Variants in IFNAR1 observed in about 807,000 individuals in gnomAD.
IFNAR1 encodes interferon alpha and beta receptor subunit 1, also known as interferon alpha/beta receptor 1.
In IFNAR1, 47 loss-of-function variants were observed where a neutral mutation model predicts 62.1. The ratio of observed to expected loss-of-function variants is 0.76; its 90% confidence interval spans 0.60 to 0.97. The LOEUF (loss-of-function observed/expected upper bound fraction) is 0.97. Ranked by LOEUF, IFNAR1 falls within the 50% of genes least tolerant of loss-of-function variation. IFNAR1 has a pLI of 0.00. For synonymous variants in IFNAR1, 219 were observed against 226.9 expected, an observed-to-expected ratio of 0.97 and a Z score of 0.31; for missense variants, 638 against 654.5, an observed-to-expected ratio of 0.97 and a Z score of 0.27.
intron 6 of IFNAR1, among the ~76,000 whole-genome samples, chr21:33,345,848 A>G (rs1183996233): frequency 6.6e-6 from 1 of 152,188 alleles, no homozygotes; most frequent in East Asian, 1.9e-4. Context: ...GGTGGGAAAG[A>G]AAGTTGGAAA....
rs2123649602 is a variant in IFNAR1 at position 33,326,786 on chromosome 21, T to C, written c.76+1655T>C. On this transcript the variant is annotated intron_variant, in intron 1 of 10. Transcript: ENST00000270139. ...AAGAAAGTTGGGAGAGGTCCTGAGA[T>C]TTTTTTTTTTCTTTTACAAAAATAA... 2.2e-5 allele frequency among the ~76,000 whole-genome samples: 3 copies of C among 133,990 alleles called. No homozygotes were observed. In the Middle Eastern group the frequency reaches 0.011, roughly 493 times the overall value. 87.9% of individuals were successfully genotyped at this position (133,990 alleles called of 152,430 possible). A position where few individuals can be genotyped will look rare whatever the true frequency, so the allele number is the denominator to read the frequency against.
chr21:33,349,579 A>C, intron 8 of IFNAR1, 36 bp downstream of exon 8: 1 of 1,418,002 alleles, frequency 7.1e-7, no homozygotes, highest in South Asian at 1.3e-5. Context: ...TGTAACTTAG[A>C]GTTATAATTA....
At chr21:33,334,702 C>G (rs2083216283) in intron 1 of IFNAR1, 12 of 854,104 alleles carry the variant, frequency 1.4e-5, no homozygotes, top group Non-Finnish European at 2.0e-5. Flanking sequence ...TCAGCTGCCA[C>G]CTTCCCTGAC....
chr21:33,351,718 T>G (rs950484225), intron 8 of IFNAR1, among the ~76,000 whole-genome samples: 1 of 151,812 alleles, frequency 6.6e-6, no homozygotes, highest in African/African-American at 2.4e-5. Context: ...CTAGCTAATT[T>G]TTTGTATTTT....
intron 8 of IFNAR1, among the ~76,000 whole-genome samples, 176 bp from the exon 9 acceptor site, chr21:33,352,582 G>T (rs541701425): frequency 6.6e-6 from 1 of 152,052 alleles, no homozygotes; most frequent in South Asian, 2.1e-4. Context: ...TAGCCTGGGT[G>T]ACAGAGCGAG....
intron 8 of IFNAR1, among the ~76,000 whole-genome samples, chr21:33,350,026 A>C (rs889792862): frequency 1.3e-5 from 2 of 151,796 alleles, no homozygotes; most frequent in Admixed American, 6.6e-5. Flanking sequence ...TCTGGGCCCC[A>C]GTTTGCTTTT....
intron 1 of IFNAR1, chr21:33,335,080 G>T: frequency 1.1e-6 from 1 of 899,798 alleles, no homozygotes; most frequent in Non-Finnish European, 1.9e-6. Flanking sequence ...GCACTTGATT[G>T]CCCCTAGGAC....
chr21:33,349,775 A>T (rs538327470), intron 8 of IFNAR1, among the ~76,000 whole-genome samples: 1 of 152,098 alleles, frequency 6.6e-6, no homozygotes, highest in African/African-American at 2.4e-5. Context: ...AATTTTAAAA[A>T]ATTAGCCTGG....
chr21:33,349,344 A>G (rs1161867938), intron 7 of IFNAR1, 45 bp from the exon 8 acceptor site: 22 of 1,571,082 alleles, frequency 1.4e-5, no homozygotes, highest in Non-Finnish European at 1.7e-5. Context: ...AGTTTTTAAA[A>G]TTGTTTTTCT....
chr21:33,325,505 T>G (rs992081945), intron 1 of IFNAR1, among the ~76,000 whole-genome samples: 1 of 152,178 alleles, frequency 6.6e-6, no homozygotes, highest in Non-Finnish European at 1.5e-5. Context: ...ATCTGGTGAA[T>G]AGGCGCCCAG....
intron 9 of IFNAR1, among the ~76,000 whole-genome samples, chr21:33,353,135 C>A (rs1326121707): frequency 6.6e-6 from 1 of 152,126 alleles, no homozygotes; most frequent in Non-Finnish European, 1.5e-5. Flanking sequence ...CATCCAGTAT[C>A]CCTATAATTA....
chr21:33,353,894 C>T, intron 10 of IFNAR1, 111 bp downstream of exon 10: 1 of 691,374 alleles, frequency 1.4e-6, no homozygotes, highest in Non-Finnish European at 2.4e-6. Context: ...ATAATAGAGA[C>T]TGATTTGGGT....
chr21:33,338,048 A>G (rs981311143), intron 2 of IFNAR1, among the ~76,000 whole-genome samples: 1 of 152,202 alleles, frequency 6.6e-6, no homozygotes, highest in Admixed American at 6.5e-5. Context: ...AAGGAACTCA[A>G]ACAATCAACA....
At chr21:33,331,871 T>C (rs148672460) in intron 1 of IFNAR1, among the ~76,000 whole-genome samples, 96 of 152,138 alleles carry the variant, frequency 6.3e-4, no homozygotes, top group African/African-American at 2.2e-3. Context: ...CTGACCCCCA[T>C]AGGGGTAGAA....
At chr21:33,336,513 T>G (rs2083237303) in intron 2 of IFNAR1, among the ~76,000 whole-genome samples, 1 of 151,026 alleles carries the variant, frequency 6.6e-6, no homozygotes, top group African/African-American at 2.4e-5. Context: ...ACTTCCACAA[T>G]GGTTGAACTA....
upstream of IFNAR1, chr21:33,324,915 C>A: frequency 1.6e-6 from 1 of 620,012 alleles, no homozygotes; most frequent in Non-Finnish European, 2.8e-6. Flanking sequence ...GAAGAGGCGG[C>A]GCGTGCGTAG....
chr21:33,336,557 C>T (rs1025526195), intron 2 of IFNAR1, among the ~76,000 whole-genome samples: 7 of 151,688 alleles, frequency 4.6e-5, no homozygotes, highest in African/African-American at 1.5e-4. Context: ...AAAAGTGTTC[C>T]TATTTCTCCA....
chr21:33,328,604 G>T (rs867900474), intron 1 of IFNAR1, among the ~76,000 whole-genome samples: 2 of 152,138 alleles, frequency 1.3e-5, no homozygotes, highest in African/African-American at 4.8e-5. Flanking sequence ...TTGTAATGTT[G>T]CTCAGTCTTT....
In IFNAR1 at chr21:33,324,977, C is replaced by CT; in HGVS notation, c.-77dup. 1 of 1,348,456 alleles carries CT rather than the reference C, an allele frequency of 7.4e-7. No individual in the cohort carries two copies. Among genetic ancestry groups the CT allele is most frequent in the Non-Finnish European group, 1.0e-6 (1 of 966,942 alleles). 83.5% of individuals were successfully genotyped at this position (1,348,456 alleles called of 1,614,324 possible). A position where few individuals can be genotyped will look rare whatever the true frequency, so the allele number is the denominator to read the frequency against. ...GCGCGTGTGCAGAGGGGCGGTGTGA[C>CT]TTAGGACGGGGCGATGGCGGCTGAG... On this transcript the variant is annotated 5_prime_UTR_variant, in exon 1 of 11. Coordinates refer to ENST00000270139, the MANE Select transcript of IFNAR1 (RefSeq NM_000629.3).
Sources: gnomAD v4.1 joint callset for allele counts (sites outside exome capture counted in the v4.1 genomes callset) on GRCh38, gnomAD v4.1.1 for gene constraint, MANE v1.5 for transcripts, NCBI Gene and HGNC (gene_info 2026-07-23, HGNC 2026-07-21) for gene names.